The following HS6ST3 variants were observed in gnomAD, a reference collection of about 807,000 sequenced individuals.
The protein encoded by HS6ST3 is heparan-sulfate 6-O-sulfotransferase 3.
In HS6ST3, 12 loss-of-function variants were observed where a neutral mutation model predicts 36.7. The observed-to-expected ratio is 0.33, with a 90% CI of 0.21 to 0.53. The LOEUF (loss-of-function observed/expected upper bound fraction) is 0.53. Among genes scored for constraint, HS6ST3 ranks in the 20% least tolerant of loss-of-function variants. The probability of loss-of-function intolerance (pLI) is 0.95; values close to 1 mark genes in which losing one functional copy is unlikely to be tolerated. For synonymous variants in HS6ST3, 240 were observed against 257.5 expected, an observed-to-expected ratio of 0.93 and a Z score of 0.65; for missense variants, 584 against 640.9, an observed-to-expected ratio of 0.91 and a Z score of 0.96.
chr13:96,260,642 CT>C (rs938970141), intron 1 of HS6ST3, among the ~76,000 whole-genome samples: 4 of 146,434 alleles, frequency 2.7e-5, no homozygotes, highest in African/African-American at 1.0e-4. Flanking sequence ...TTCTTTTTTT[CT>C]TTTCTTTTTT....
At chr13:96,142,991 A>G (rs995721884) in intron 1 of HS6ST3, among the ~76,000 whole-genome samples, 1 of 152,204 alleles carries the variant, frequency 6.6e-6, no homozygotes, top group African/African-American at 2.4e-5. Context: ...TGACTTACAT[A>G]TTTTACCTCC....
chr13:96,464,362 C>T (rs1340225330), intron 1 of HS6ST3, among the ~76,000 whole-genome samples: 3 of 151,948 alleles, frequency 2.0e-5, no homozygotes, highest in African/African-American at 4.8e-5. Context: ...TTGGCTGCGG[C>T]ACCTGAATAA....
intron 1 of HS6ST3, among the ~76,000 whole-genome samples, chr13:96,403,578 T>A (rs556330589): frequency 3.9e-5 from 6 of 152,344 alleles, no homozygotes; most frequent in African/African-American, 1.4e-4. Context: ...TTGTTTTAAT[T>A]TGTCTCTTCA....
intron 1 of HS6ST3, among the ~76,000 whole-genome samples, chr13:96,371,811 A>T (rs1437998676): frequency 6.6e-6 from 1 of 152,166 alleles, no homozygotes; most frequent in East Asian, 1.9e-4. Context: ...TTTTTAAAGG[A>T]TTAATAGTAT....
At chr13:96,783,875 G>A (rs1033339253) in intron 1 of HS6ST3, among the ~76,000 whole-genome samples, 1 of 152,084 alleles carries the variant, frequency 6.6e-6, no homozygotes, top group African/African-American at 2.4e-5. Flanking sequence ...TATTTGGTGT[G>A]TCATTGATCT....
At chr13:96,606,651 C>A in intron 1 of HS6ST3, among the ~76,000 whole-genome samples, 1 of 145,852 alleles carries the variant, frequency 6.9e-6, no homozygotes, top group African/African-American at 2.6e-5. Context: ...TGAGGGACTG[C>A]CTATTGGGTG....
At chr13:96,325,590 A>G (rs559519860) in intron 1 of HS6ST3, among the ~76,000 whole-genome samples, 48 of 152,036 alleles carry the variant, frequency 3.2e-4, no homozygotes, top group Non-Finnish European at 6.5e-4. Flanking sequence ...TGTAGATTAT[A>G]TGCAAATCCT....
chr13:96,675,754 A>G (rs1228493318), intron 1 of HS6ST3, among the ~76,000 whole-genome samples: 2 of 152,212 alleles, frequency 1.3e-5, no homozygotes, highest in Non-Finnish European at 2.9e-5. Flanking sequence ...TTGGAGTTGG[A>G]TTTGGAAATC....
intron 1 of HS6ST3, among the ~76,000 whole-genome samples, chr13:96,544,629 T>G (rs1296569566): frequency 6.6e-6 from 1 of 152,218 alleles, no homozygotes; most frequent in South Asian, 2.1e-4. Flanking sequence ...TTGTGACAAC[T>G]CTTTTTAGTC....
chr13:96,200,965 G>A (rs975528775), intron 1 of HS6ST3, among the ~76,000 whole-genome samples: 5 of 152,120 alleles, frequency 3.3e-5, no homozygotes, highest in African/African-American at 7.2e-5. Flanking sequence ...GAAAACTTAC[G>A]GCTGTGAGTT....
chr13:96,384,150 G>A (rs1364970581), intron 1 of HS6ST3, among the ~76,000 whole-genome samples: 2 of 152,168 alleles, frequency 1.3e-5, no homozygotes, highest in African/African-American at 4.8e-5. Flanking sequence ...CTCTGACGGA[G>A]CCATGGGTGG....
chr13:96,826,270 T>A (rs1878644975), intron 1 of HS6ST3, among the ~76,000 whole-genome samples: 1 of 152,222 alleles, frequency 6.6e-6, no homozygotes, highest in Non-Finnish European at 1.5e-5. Flanking sequence ...TATATATTTT[T>A]TACTCCTTGC....
intron 1 of HS6ST3, among the ~76,000 whole-genome samples, chr13:96,528,866 G>A (rs914156647): frequency 5.9e-5 from 9 of 152,052 alleles, no homozygotes; most frequent in Non-Finnish European, 1.2e-4. Flanking sequence ...AGCAGATAGG[G>A]TAATCCAGCT....
In HS6ST3 at chr13:96,837,352, T is replaced by C. The variant is rs569493821; in HGVS notation, c.*4154T>C. On this transcript the variant is annotated 3_prime_UTR_variant, in exon 2 of 2. Transcript: ENST00000376705. ...TGGTCCTCATTACATTCTTGTGTGCTAAATAGGACCTCTATTCATTACACC... is the reference window on the plus strand; with the variant it reads ...TGGTCCTCATTACATTCTTGTGTGCCAAATAGGACCTCTATTCATTACACC... The C allele has an allele frequency of 2.8e-4, 42 of 152,332 alleles. No individual in the cohort carries two copies. The highest frequency in any genetic ancestry group is 9.6e-4 in the African/African-American group (40 of 41,572). 9.4% of individuals were successfully genotyped at this position (152,332 alleles called of 1,614,324 possible). A position where few individuals can be genotyped will look rare whatever the true frequency, so the allele number is the denominator to read the frequency against.
intron 1 of HS6ST3, among the ~76,000 whole-genome samples, chr13:96,655,364 T>C (rs2056621233): frequency 1.3e-5 from 2 of 152,086 alleles, no homozygotes; most frequent in African/African-American, 4.8e-5. Context: ...ACCAAAGTGT[T>C]GGAAAGCAAA....
rs1165549255 is a variant in HS6ST3 at position 96,292,194 on chromosome 13, TAGA to T, written c.707+200628_707+200630del. Among the ~76,000 whole-genome samples, 7 of 143,014 alleles carry T rather than the reference TAGA, an allele frequency of 4.9e-5. No homozygotes were observed. The East Asian group carries it at 1.4e-3, about 30-fold the overall frequency. The allele number at this position is 143,014 out of a possible 152,430, so 93.8% of individuals were successfully genotyped here. A position where few individuals can be genotyped will look rare whatever the true frequency, so the allele number is the denominator to read the frequency against. ...GCATAAAATGTTAATATGAAGTTTTTAGAAGTTTAGAGTAAATGTGTGTGTGTG... is the reference window on the plus strand; with the variant it reads ...GCATAAAATGTTAATATGAAGTTTTTAGTTTAGAGTAAATGTGTGTGTGTG... On this transcript the variant is annotated intron_variant, in intron 1 of 1. Transcript: ENST00000376705.
At chr13:96,417,558 C>T (rs967752683) in intron 1 of HS6ST3, among the ~76,000 whole-genome samples, 7 of 150,074 alleles carry the variant, frequency 4.7e-5, no homozygotes, top group Non-Finnish European at 1.0e-4. Context: ...CTATAGAGGG[C>T]CCAGCATGGT....
At chr13:96,108,617 T>C (rs1294767903) in intron 1 of HS6ST3, among the ~76,000 whole-genome samples, 1 of 152,104 alleles carries the variant, frequency 6.6e-6, no homozygotes, top group Non-Finnish European at 1.5e-5. Context: ...GCTTTAAAAT[T>C]TCTCTCTTTT....
intron 1 of HS6ST3, among the ~76,000 whole-genome samples, chr13:96,722,484 C>T (rs1249536464): frequency 5.3e-5 from 8 of 152,066 alleles, no homozygotes; most frequent in Admixed American, 5.2e-4. Context: ...AAGAAACTTT[C>T]CCCCGGGGTC....
Sources: allele counts gnomAD v4.1 joint callset (sites outside exome capture counted in the v4.1 genomes callset), GRCh38; gene constraint gnomAD v4.1.1; transcripts MANE v1.5; gene names NCBI Gene and HGNC (gene_info 2026-07-23, HGNC 2026-07-21).